Variants in FMN2 observed in about 807,000 individuals in gnomAD.
The protein encoded by FMN2 is formin 2.
In FMN2, 51 loss-of-function variants were observed where a neutral mutation model predicts 142.3. That is an observed-to-expected ratio of 0.36 (90% CI 0.29 to 0.45). The LOEUF is 0.45. FMN2 is among the 20% of genes least tolerant of loss of function. The probability of loss-of-function intolerance (pLI) is 1.00; values close to 1 mark genes in which losing one functional copy is unlikely to be tolerated. For missense variants in FMN2, 1,936 were observed against 2,122.8 expected (o/e 0.91, Z 1.73); for synonymous variants, 882 against 869.8 (o/e 1.01, Z -0.25).
intron 13 of FMN2, among the ~76,000 whole-genome samples, chr1:240,346,521 T>G (rs1403629991): frequency 6.6e-6 from 1 of 152,060 alleles, no homozygotes; most frequent in East Asian, 1.9e-4. Flanking sequence ...AACACAAAGT[T>G]AAAGGTTGTA....
At chr1:240,163,639 T>C (rs559784143) in intron 2 of FMN2, among the ~76,000 whole-genome samples, 29 of 152,076 alleles carry the variant, frequency 1.9e-4, no homozygotes, top group Non-Finnish European at 4.3e-4. Context: ...ATTTTTTATC[T>C]TGACAGTCTT....
intron 1 of FMN2, among the ~76,000 whole-genome samples, chr1:240,107,313 G>A (rs1171564261): frequency 2.0e-5 from 3 of 152,086 alleles, no homozygotes; most frequent in Non-Finnish European, 2.9e-5. Flanking sequence ...TTTCCAGCTC[G>A]GAGAGTCAAT....
chr1:240,426,357 A>G (rs779069848), intron 15 of FMN2, among the ~76,000 whole-genome samples: 2 of 152,208 alleles, frequency 1.3e-5, no homozygotes, highest in Non-Finnish European at 2.9e-5. Context: ...AACATAAGTC[A>G]TCGTCAAAAA....
intron 2 of FMN2, among the ~76,000 whole-genome samples, chr1:240,157,981 A>C (rs1318357064): frequency 1.3e-5 from 2 of 151,318 alleles, no homozygotes; most frequent in Non-Finnish European, 2.9e-5. Context: ...TACTAAAAAA[A>C]AAAAAAAAAA....
chr1:240,460,897 T>C (rs989457544), intron 16 of FMN2, among the ~76,000 whole-genome samples: 2 of 152,190 alleles, frequency 1.3e-5, no homozygotes, highest in Admixed American at 1.3e-4. Flanking sequence ...GTTAGAATTA[T>C]ACATTCTTGA....
intron 14 of FMN2, among the ~76,000 whole-genome samples, chr1:240,363,292 C>T (rs565915519): frequency 6.6e-6 from 1 of 152,328 alleles, no homozygotes; most frequent in South Asian, 2.1e-4. Context: ...CTTCATTGAC[C>T]ATTTAATGTT....
intron 8 of FMN2, among the ~76,000 whole-genome samples, chr1:240,306,609 G>T (rs982391676): frequency 2.0e-5 from 3 of 152,140 alleles, no homozygotes; most frequent in Middle Eastern, 3.2e-3. Context: ...GTAGCATTCC[G>T]TGGGGTATAT....
At chr1:240,258,866 G>A (rs1366129362) in intron 7 of FMN2, among the ~76,000 whole-genome samples, 3 of 152,168 alleles carry the variant, frequency 2.0e-5, no homozygotes, top group Non-Finnish European at 4.4e-5. Flanking sequence ...TGGAATGCCA[G>A]TTTACCTATT....
intron 15 of FMN2, among the ~76,000 whole-genome samples, chr1:240,436,153 C>T (rs73128302): frequency 0.11 from 16,116 of 152,144 alleles, 2,024 homozygotes; most frequent in African/African-American, 0.31. Flanking sequence ...TGCATTCTAA[C>T]GTCATTACCA....
At chr1:240,345,920 G>T (rs1558444782) in intron 13 of FMN2, among the ~76,000 whole-genome samples, 1 of 152,112 alleles carries the variant, frequency 6.6e-6, no homozygotes, top group Non-Finnish European at 1.5e-5. Flanking sequence ...AAAACCCTCA[G>T]ATATTTTTCA....
At chr1:240,296,917 C>T (rs1044012739) in intron 8 of FMN2, among the ~76,000 whole-genome samples, 14 of 152,028 alleles carry the variant, frequency 9.2e-5, no homozygotes, top group Non-Finnish European at 1.3e-4. Context: ...AAAAGTAAAT[C>T]GTGTGTTTAG....
At chr1:240,108,913 G>A (rs1404627528) in intron 1 of FMN2, among the ~76,000 whole-genome samples, 1 of 152,142 alleles carries the variant, frequency 6.6e-6, no homozygotes, top group Non-Finnish European at 1.5e-5. Context: ...GCGAGAGCCT[G>A]TAATCCCAGC....
intron 1 of FMN2, among the ~76,000 whole-genome samples, chr1:240,098,229 G>A (rs1316098093): frequency 6.6e-6 from 1 of 151,290 alleles, no homozygotes; most frequent in African/African-American, 2.4e-5. Context: ...AGCTTCCAGA[G>A]TAGCTGGGAT....
intron 2 of FMN2, among the ~76,000 whole-genome samples, chr1:240,149,302 C>T (rs898934705): frequency 2.0e-5 from 3 of 152,146 alleles, no homozygotes; most frequent in Non-Finnish European, 4.4e-5. Flanking sequence ...TTACTTTTCA[C>T]AGATTAATTT....
chr1:240,336,754 A>T (rs1671578331), intron 13 of FMN2, among the ~76,000 whole-genome samples: 1 of 152,106 alleles, frequency 6.6e-6, no homozygotes, highest in African/African-American at 2.4e-5. Flanking sequence ...TGGAGAAATG[A>T]TGCTATAGTT....
chr1:240,409,494 A>C (rs954877820), intron 15 of FMN2, among the ~76,000 whole-genome samples: 7 of 152,168 alleles, frequency 4.6e-5, no homozygotes, highest in Non-Finnish European at 1.0e-4. Context: ...CGTTTGCATA[A>C]GACATTTTGC....
At position 240,093,338 on chromosome 1, in the gene FMN2, C is replaced by T. The variant is rs201437013; in HGVS notation, c.1229C>T (p.Pro410Leu). Residue 410 changes from proline to leucine, a missense_variant, in exon 1 of 18, where the codon CCC becomes CTC. Physicochemically the swap from Pro to Leu is moderately conservative, Grantham distance 98. This residue lies in a region of FMN2 where 751 missense variants were observed against 791.8 expected (regional missense o/e 0.95). Coordinates refer to ENST00000319653, the MANE Select transcript of FMN2 (RefSeq NM_020066.5). The stretch of plus-strand genomic sequence containing the variant: ...GCGCCTAGCCAGCGCTGTTTCAAGC[C>T]CTACCCGCTCATCACCCCCTGCTAC... ...SPAPSQRCFK[P>L]YPLITPCYIK... 346 of 1,612,702 alleles carry T rather than the reference C, an allele frequency of 2.1e-4. 1 individual carries two copies. Among genetic ancestry groups the T allele is most frequent in the Non-Finnish European group, 8.5e-6 (10 of 1,179,478 alleles).
intron 8 of FMN2, among the ~76,000 whole-genome samples, chr1:240,300,406 A>G (rs984260130): frequency 1.3e-5 from 2 of 152,302 alleles, no homozygotes; most frequent in Non-Finnish European, 2.9e-5. Context: ...TTCCCAACTT[A>G]CAAATATAGG....
intron 15 of FMN2, among the ~76,000 whole-genome samples, chr1:240,404,897 A>T (rs1258894093): frequency 6.6e-6 from 1 of 152,172 alleles, no homozygotes; most frequent in Non-Finnish European, 1.5e-5. Context: ...GATTATGAGA[A>T]TTTTAATGTT....
Sources: gnomAD v4.1 joint callset for allele counts (sites outside exome capture counted in the v4.1 genomes callset) on GRCh38, gnomAD v4.1.1 for gene constraint, gnomAD v4.1.1 regional missense constraint, MANE v1.5 for transcripts, NCBI Gene and HGNC (gene_info 2026-07-23, HGNC 2026-07-21) for gene names.